ZNF195: variants seen among roughly 807,000 people sequenced by gnomAD.
ZNF195 encodes zinc finger protein 195, also known as hypoxia-regulated factor-1.
In ZNF195, 11 loss-of-function variants were observed where a neutral mutation model predicts 19.5. The ratio of observed to expected loss-of-function variants is 0.57; its 90% CI spans 0.36 to 0.94. The LOEUF (loss-of-function observed/expected upper bound fraction) is 0.94. ZNF195 is among the 40% of genes least tolerant of loss of function. The probability of loss-of-function intolerance (pLI) is 0.01; values close to 1 mark genes in which losing one functional copy is unlikely to be tolerated. For synonymous variants in ZNF195, 214 were observed against 248.1 expected (o/e 0.86, Z 1.29); for missense variants, 582 against 709.0 (o/e 0.82, Z 2.03).
At chr11:3,363,956 AC>A (rs1195287085) in intron 3 of ZNF195, among the ~76,000 whole-genome samples, 3 of 152,366 alleles carry the variant, frequency 2.0e-5, no homozygotes, top group African/African-American at 7.2e-5. Context: ...AAGAAGTCTT[AC>A]AAAAAATACA....
At chr11:3,364,992 G>A (rs769824632) in intron 3 of ZNF195, among the ~76,000 whole-genome samples, 14 of 152,114 alleles carry the variant, frequency 9.2e-5, no homozygotes, top group Non-Finnish European at 1.8e-4. Flanking sequence ...CAATCAGGTG[G>A]GGTGGTTATC....
chr11:3,366,874 G>A (rs975151501), intron 3 of ZNF195: 2 of 448,980 alleles, frequency 4.5e-6, no homozygotes, highest in Non-Finnish European at 8.9e-6. Context: ...AGACCAGCCT[G>A]GGCAACATGG....
chr11:3,361,182 C>T (rs905672379), intron 4 of ZNF195, among the ~76,000 whole-genome samples: 5 of 152,182 alleles, frequency 3.3e-5, no homozygotes, highest in Non-Finnish European at 7.4e-5. Flanking sequence ...CACAATTCCA[C>T]ACAAGACACA....
chr11:3,368,872 C>A (rs1296025003), intron 3 of ZNF195: 1 of 454,942 alleles, frequency 2.2e-6, no homozygotes, highest in South Asian at 1.6e-5. Flanking sequence ...AAACAGAATA[C>A]CCGCAATCAA....
At chr11:3,373,726 A>C in intron 1 of ZNF195, 1 of 1,179,246 alleles carries the variant, frequency 8.5e-7, no homozygotes, top group Non-Finnish European at 1.2e-6. Flanking sequence ...ACAACCATCA[A>C]CAGAAAGACC....
Position 3,359,604 on chromosome 11 carries a change from A to G in ZNF195, c.1404T>C (p.Cys468=). 1 of 1,614,080 alleles carries G rather than the reference A, an allele frequency of 6.2e-7. No individual in the cohort carries two copies. Among genetic ancestry groups the G allele is most frequent in the Non-Finnish European group, 8.5e-7 (1 of 1,180,028 alleles). ...TTCTGAAGACCTTCCCACATTCTTC[A>G]CATTGGTAGGGTTTCTCTCCGGTGT... ...RIHTGEKPYQ[C]EECGKVFRTC... is the part of the protein sequence containing the mutation. Residue 468 remains cysteine, a synonymous_variant, in exon 6 of 6, where the codon TGT becomes TGC. Coordinates refer to ENST00000399602, the MANE Select transcript of ZNF195 (RefSeq NM_001130520.3). The surrounding 1 kb of genome is among the most constrained non-coding windows in gnomAD (Gnocchi z 5.5).
At chr11:3,364,909 A>G (rs1358541616) in intron 3 of ZNF195, among the ~76,000 whole-genome samples, 1 of 152,234 alleles carries the variant, frequency 6.6e-6, no homozygotes, top group Admixed American at 6.5e-5. Flanking sequence ...GCTAGCTACA[A>G]AAGACTCTAG....
chr11:3,377,592 C>CA, intron 1 of ZNF195: 2 of 1,137,770 alleles, frequency 1.8e-6, no homozygotes, highest in Non-Finnish European at 1.1e-6. Context: ...TGGGTGAAGA[C>CA]AATCTTAATG....
chr11:3,374,443 C>G (rs1849358470), intron 1 of ZNF195, among the ~76,000 whole-genome samples: 1 of 152,370 alleles, frequency 6.6e-6, no homozygotes, highest in East Asian at 1.9e-4. Context: ...TGAAAGATTA[C>G]ATTATTTCCT....
chr11:3,364,013 T>G (rs1446090252), intron 3 of ZNF195, among the ~76,000 whole-genome samples: 1 of 152,232 alleles, frequency 6.6e-6, no homozygotes, highest in Non-Finnish European at 1.5e-5. Flanking sequence ...AAAAGGTTGT[T>G]AACTTTCCAA....
chr11:3,371,541 G>C lies in ZNF195; in HGVS notation c.130+36C>G, dbSNP rs1295334132. The C allele has an allele frequency of 1.9e-6, 3 of 1,613,624 alleles. No individual in the cohort carries two copies. The Admixed American group carries it at 5.0e-5, about 27-fold the overall frequency. ...CAGAGGAACGAAAGGAACTCTTTAG[G>C]GCATAGGAGGAACTACGTATTGAAG... is the stretch of plus-strand genomic sequence containing the variant. On this transcript the variant is annotated intron_variant, in intron 2 of 5. Transcript: ENST00000399602.
intron 3 of ZNF195, among the ~76,000 whole-genome samples, chr11:3,362,301 T>C (rs1848672061): frequency 6.6e-6 from 1 of 152,094 alleles, no homozygotes; most frequent in African/African-American, 2.4e-5. Context: ...TCAAAATAAA[T>C]ATATGGAAAA....
intron 1 of ZNF195, among the ~76,000 whole-genome samples, chr11:3,373,281 G>A (rs1849303976): frequency 6.6e-6 from 1 of 152,070 alleles, no homozygotes; most frequent in Non-Finnish European, 1.5e-5. Context: ...AGGAATCCTG[G>A]GTATCCACAA....
Position 3,361,760 on chromosome 11 carries a change from G to A in ZNF195, c.356C>T (p.Ser119Phe), listed in dbSNP as rs1434570124. Residue 119 changes from serine (S) to phenylalanine (F), a missense_variant, in exon 4 of 6, where the codon TCT becomes TTT. Coordinates refer to ENST00000399602, the MANE Select transcript of ZNF195 (RefSeq NM_001130520.3). ...NHRAQPGLNV[S>F]VDKFTALCSP... ...GAGATTACCAGTGAATTTGTCCACA[G>A]AAACATTGAGGCCTGGCTGGGCACG... is the stretch of plus-strand genomic sequence containing the variant. 1 of 1,296,552 alleles carries A rather than the reference G, an allele frequency of 7.7e-7. No homozygotes were observed. Among genetic ancestry groups the A allele is most frequent in the Non-Finnish European group, 1.0e-6 (1 of 982,536 alleles). 80.3% of individuals were successfully genotyped at this position (1,296,552 alleles called of 1,614,324 possible).
At chr11:3,373,044 A>G (rs771243002) in intron 1 of ZNF195, among the ~76,000 whole-genome samples, 23 of 152,340 alleles carry the variant, frequency 1.5e-4, no homozygotes, top group Admixed American at 5.9e-4. Context: ...GTAATCTCTA[A>G]TAGTGTATTA....
At chr11:3,378,798 G>C (rs1271092747) in intron 1 of ZNF195, among the ~76,000 whole-genome samples, 2 of 152,212 alleles carry the variant, frequency 1.3e-5, no homozygotes, top group Non-Finnish European at 1.5e-5. Flanking sequence ...TTCCTGACTC[G>C]GGGAGACGAG....
At chr11:3,367,239 C>CTT (rs1848940960) in intron 3 of ZNF195, 1 of 176,102 alleles carries the variant, frequency 5.7e-6, no homozygotes, top group African/African-American at 2.4e-5. Context: ...ATGGGGGAAG[C>CTT]CTCAAGTGAT....
intron 3 of ZNF195, among the ~76,000 whole-genome samples, chr11:3,365,082 A>G (rs1462407699): frequency 1.3e-5 from 2 of 152,242 alleles, no homozygotes; most frequent in Non-Finnish European, 2.9e-5. Flanking sequence ...CAAAATGCGT[A>G]CATTAACCAG....
At chr11:3,370,944 T>A (rs1849173578) in intron 3 of ZNF195, 31 bp downstream of exon 3, 3 of 1,612,262 alleles carry the variant, frequency 1.9e-6, no homozygotes, top group Non-Finnish European at 2.5e-6. Flanking sequence ...ACCTCTCACC[T>A]GGGTTACCTG....
Sources: allele counts gnomAD v4.1 joint callset (sites outside exome capture counted in the v4.1 genomes callset), GRCh38; gene constraint gnomAD v4.1.1; non-coding constraint Gnocchi (gnomAD v3.1); transcripts MANE v1.5; gene names NCBI Gene and HGNC (gene_info 2026-07-23, HGNC 2026-07-21).